Variants in NRP1 observed in about 807,000 individuals in gnomAD.
NRP1 encodes neuropilin-1.
In NRP1, 35 loss-of-function variants were observed where a neutral mutation model predicts 106.7. The ratio of observed to expected loss-of-function variants is 0.33; its 90% CI spans 0.25 to 0.43. The LOEUF is 0.43. Ranked by LOEUF, NRP1 falls within the 20% of genes least tolerant of loss-of-function variation. The probability of loss-of-function intolerance (pLI) is 1.00; values close to 1 mark genes in which losing one functional copy is unlikely to be tolerated. For synonymous variants in NRP1, 437 were observed against 417.9 expected (o/e 1.05, Z -0.56); for missense variants, 1,024 against 1,170.4 (o/e 0.87, Z 1.83).
intron 2 of NRP1, among the ~76,000 whole-genome samples, chr10:33,284,000 A>AATGGAATAG (rs1205085495): frequency 6.6e-6 from 1 of 152,220 alleles, no homozygotes; most frequent in Non-Finnish European, 1.5e-5. Flanking sequence ...AACAGGAAAA[A>AATGGAATAG]ATGGAATAGG....
At chr10:33,206,908 T>G (rs1837832536) in intron 10 of NRP1, among the ~76,000 whole-genome samples, 1 of 152,236 alleles carries the variant, frequency 6.6e-6, no homozygotes, top group Non-Finnish European at 1.5e-5. Context: ...CATATAATAA[T>G]CTAAGTGTAG....
intron 2 of NRP1, among the ~76,000 whole-genome samples, chr10:33,292,665 C>T (rs1845084038): frequency 6.6e-6 from 1 of 152,128 alleles, no homozygotes; most frequent in South Asian, 2.1e-4. Context: ...AATCCAGTTC[C>T]AGCAGATAAG....
intron 11 of NRP1, among the ~76,000 whole-genome samples, chr10:33,198,724 T>C (rs1278297857): frequency 6.6e-6 from 1 of 151,802 alleles, no homozygotes; most frequent in Non-Finnish European, 1.5e-5. Flanking sequence ...CAATCTATTT[T>C]AAAAACTAGA....
intron 4 of NRP1, among the ~76,000 whole-genome samples, chr10:33,262,613 G>A (rs547034842): frequency 6.7e-6 from 1 of 148,546 alleles, no homozygotes; most frequent in Non-Finnish European, 1.5e-5. Flanking sequence ...TGAGGCAGAA[G>A]AATTGCTTGA....
At chr10:33,254,620 A>C (rs1842079716) in intron 5 of NRP1, among the ~76,000 whole-genome samples, 1 of 152,218 alleles carries the variant, frequency 6.6e-6, no homozygotes, top group African/African-American at 2.4e-5. Context: ...CTCTATGTCT[A>C]GTTACAATTC....
intron 4 of NRP1, among the ~76,000 whole-genome samples, chr10:33,259,382 C>T (rs779821545): frequency 6.6e-6 from 1 of 152,120 alleles, no homozygotes; most frequent in Non-Finnish European, 1.5e-5. Flanking sequence ...TGAACAACAG[C>T]GAGACCTTAG....
Position 33,255,934 on chromosome 10 carries a change from G to A in NRP1, c.814+382C>T, listed in dbSNP as rs186201984. 3.8e-3 allele frequency among the ~76,000 whole-genome samples: 585 copies of A among 152,198 alleles called. 5 individuals carry two copies. Among genetic ancestry groups the A allele is most frequent in the South Asian group, 0.013 (61 of 4,820 alleles). On this transcript the variant is annotated intron_variant, in intron 5 of 16. Transcript: ENST00000374867. Reference sequence around the variant, plus strand: ...TCCCATACTTCGTGACTGCTCTGTCGGTGAACTACTTTAGATTTGTTCTTA... The same window carrying A: ...TCCCATACTTCGTGACTGCTCTGTCAGTGAACTACTTTAGATTTGTTCTTA...
In NRP1 at chr10:33,186,110, G is replaced by A. The variant is rs143147785; in HGVS notation, c.2334+107C>T. On this transcript the variant is annotated intron_variant, in intron 14 of 16. Transcript: ENST00000374867. ...CAATATCTCAGGGTTGGGAAACACT[G>A]GAAATAATTTCGGAATAATTCCCAT... 1.1e-3 allele frequency: 1,555 copies of A among 1,385,714 alleles called. 2 individuals are homozygous for A. The highest frequency in any genetic ancestry group is 1.2e-3 in the Non-Finnish European group (1,252 of 1,026,764). The allele number at this position is 1,385,714 out of a possible 1,614,324, so 85.8% of individuals were successfully genotyped here. A position where few individuals can be genotyped will look rare whatever the true frequency, so the allele number is the denominator to read the frequency against.
In NRP1 at chr10:33,222,011, T is replaced by G. The variant is rs192336196; in HGVS notation, c.1138-148A>C. 1.2e-4 allele frequency: 90 copies of G among 782,400 alleles called. No individual in the cohort carries two copies. In the African/African-American group the frequency reaches 1.3e-3, roughly 11 times the overall value. 48.5% of individuals were successfully genotyped at this position (782,400 alleles called of 1,614,324 possible). A position where few individuals can be genotyped will look rare whatever the true frequency, so the allele number is the denominator to read the frequency against. On this transcript the variant is annotated intron_variant, in intron 7 of 16. Transcript: ENST00000374867. ...GGCGTTAATAACTCGCCATGTTAATTTTTTCAATTAGCAATCAGAATGATG... is the reference window on the plus strand; with the variant it reads ...GGCGTTAATAACTCGCCATGTTAATGTTTTCAATTAGCAATCAGAATGATG...
intron 6 of NRP1, among the ~76,000 whole-genome samples, chr10:33,237,932 A>AAC (rs776014764): frequency 2.0e-5 from 3 of 151,798 alleles, no homozygotes; most frequent in Non-Finnish European, 4.4e-5. Context: ...TCCCACTGCA[A>AAC]ACACACACAC....
At chr10:33,246,044 T>C (rs527555675) in intron 6 of NRP1, among the ~76,000 whole-genome samples, 1 of 152,230 alleles carries the variant, frequency 6.6e-6, no homozygotes, top group East Asian at 1.9e-4. Flanking sequence ...TGACATGAAA[T>C]TAGTATAATC....
At position 33,180,097 on chromosome 10, in the gene NRP1, C is replaced by T; in HGVS notation, c.2751G>A (p.Gln917=). The T allele has an allele frequency of 6.2e-7, 1 of 1,614,158 alleles. No homozygotes were observed. Among genetic ancestry groups the T allele is most frequent in the Non-Finnish European group, 8.5e-7 (1 of 1,180,016 alleles). ...VKLKKDKLNT[Q]STYSEA ...GCCTTCATGCCTCCGAATAAGTACT[C>T]TGTGTATTCAGTTTGTCTTTTTTCA... Residue 917 remains glutamine (Q), a synonymous_variant, in exon 17 of 17, where the codon CAG becomes CAA. Transcript: ENST00000374867.
Position 33,254,200 on chromosome 10 carries a change from G to T in NRP1, c.815-6C>A. 6.2e-7 allele frequency: 1 copy of T among 1,604,278 alleles called. No homozygotes were observed. Among genetic ancestry groups the T allele is most frequent in the Admixed American group, 1.7e-5 (1 of 57,152 alleles). On this transcript the variant is annotated splice_region_variant and splice_polypyrimidine_tract_variant and intron_variant, in intron 5 of 16. Transcript: ENST00000374867. Reference sequence around the variant, plus strand: ...AGCTTCCATACATTTGAAATCTGAAGGGAAAAACAGGGCCCACAGTCATCA... The same window carrying T: ...AGCTTCCATACATTTGAAATCTGAATGGAAAAACAGGGCCCACAGTCATCA...
At chr10:33,309,031 A>G (rs1451073485) in intron 2 of NRP1, among the ~76,000 whole-genome samples, 1 of 152,208 alleles carries the variant, frequency 6.6e-6, no homozygotes, top group Admixed American at 6.5e-5. Context: ...ACCTATTTCC[A>G]AAACAGTCCA....
chr10:33,290,223 T>G (rs1281147273), intron 2 of NRP1, among the ~76,000 whole-genome samples: 2 of 152,216 alleles, frequency 1.3e-5, no homozygotes, highest in Non-Finnish European at 2.9e-5. Flanking sequence ...ATTACAATCT[T>G]ATCTGTCTAC....
chr10:33,252,736 C>A (rs1006996796), intron 6 of NRP1, among the ~76,000 whole-genome samples: 1 of 151,990 alleles, frequency 6.6e-6, no homozygotes, highest in African/African-American at 2.4e-5. Context: ...TATTTTGACA[C>A]TGGCAAACTC....
chr10:33,237,487 G>GCGCGCACGCACA (rs1554788780), intron 6 of NRP1, among the ~76,000 whole-genome samples: 5 of 144,758 alleles, frequency 3.5e-5, no homozygotes, highest in African/African-American at 7.7e-5. Context: ...ACATGCGCGC[G>GCGCGCACGCACA]CACACACACA....
intron 4 of NRP1, among the ~76,000 whole-genome samples, chr10:33,260,985 CAAAAAAAAAA>C (rs35665366): frequency 3.3e-5 from 2 of 60,068 alleles, no homozygotes; most frequent in South Asian, 7.8e-4. Flanking sequence ...TGCCATTGAC[CAAAAAAAAAA>C]AAAAAAAAAA....
chr10:33,215,193 T>C (rs905925361), intron 8 of NRP1, among the ~76,000 whole-genome samples: 8 of 152,212 alleles, frequency 5.3e-5, no homozygotes, highest in South Asian at 4.1e-4. Context: ...AGCAATTCTC[T>C]TCTCATACAG....
Sources: allele counts gnomAD v4.1 joint callset (sites outside exome capture counted in the v4.1 genomes callset), GRCh38; gene constraint gnomAD v4.1.1; transcripts MANE v1.5; gene names NCBI Gene and HGNC (gene_info 2026-07-23, HGNC 2026-07-21).